CNOT2: variants seen among roughly 807,000 people sequenced by gnomAD.
CNOT2 encodes CCR4-NOT transcription complex subunit 2.
CNOT2 carries 7 observed loss-of-function variants against 72.1 expected under a neutral mutation model. The ratio of observed to expected loss-of-function variants is 0.10; its 90% CI spans 0.06 to 0.18. CNOT2 has a LOEUF of 0.18. Ranked by LOEUF, CNOT2 falls within the 10% of genes least tolerant of loss-of-function variation. The pLI is 1.00. For synonymous variants in CNOT2, 196 were observed against 225.6 expected (o/e 0.87, Z 1.17); for missense variants, 345 against 660.3 (o/e 0.52, Z 5.23).
chr12:70,337,611 T>C, intron 9 of CNOT2, 98 bp downstream of exon 9: 1 of 1,164,982 alleles, frequency 8.6e-7, no homozygotes, highest in Non-Finnish European at 1.3e-6. Context: ...ACAAAACTGT[T>C]TTATCTTGAT....
chr12:70,348,799 A>G (rs970092991), intron 15 of CNOT2, among the ~76,000 whole-genome samples: 13 of 151,964 alleles, frequency 8.6e-5, no homozygotes, highest in African/African-American at 2.7e-4. Context: ...TCAGTCAGGT[A>G]AATGTCATTT....
chr12:70,265,273 T>TTCCTC (rs1958970837), intron 1 of CNOT2, among the ~76,000 whole-genome samples: 1 of 125,382 alleles, frequency 8.0e-6, no homozygotes, highest in African/African-American at 2.8e-5. Context: ...TTCGTTTTGT[T>TTCCTC]TCTTCTCTTC....
chr12:70,346,039 T>G (rs1363632094), intron 14 of CNOT2, 141 bp from the exon 15 acceptor site: 1 of 578,220 alleles, frequency 1.7e-6, no homozygotes. Flanking sequence ...TAATAACTTA[T>G]AATAAATGAG....
At chr12:70,304,272 G>C (rs1342881189) in intron 2 of CNOT2, among the ~76,000 whole-genome samples, 1 of 152,098 alleles carries the variant, frequency 6.6e-6, no homozygotes, top group African/African-American at 2.4e-5. Flanking sequence ...GAGGAGGAGA[G>C]GCGCTCTGCT....
intron 13 of CNOT2, among the ~76,000 whole-genome samples, chr12:70,343,540 G>A (rs988812633): frequency 6.6e-6 from 1 of 152,168 alleles, no homozygotes; most frequent in Admixed American, 6.5e-5. Flanking sequence ...GTGATTTGCT[G>A]AAAGCATACA....
intron 1 of CNOT2, among the ~76,000 whole-genome samples, chr12:70,256,950 C>T (rs1243893696): frequency 2.6e-5 from 4 of 152,130 alleles, no homozygotes; most frequent in African/African-American, 9.7e-5. Context: ...TAAGCATTTT[C>T]CAGTGTCATA....
At chr12:70,315,991 T>C (rs1012132801) in intron 3 of CNOT2, among the ~76,000 whole-genome samples, 10 of 152,138 alleles carry the variant, frequency 6.6e-5, no homozygotes, top group African/African-American at 2.4e-4. Flanking sequence ...AGGGGAAGAT[T>C]AGATTATTAG....
intron 1 of CNOT2, among the ~76,000 whole-genome samples, chr12:70,247,771 A>G (rs1667755478): frequency 6.6e-6 from 1 of 152,182 alleles, no homozygotes; most frequent in South Asian, 2.1e-4. Context: ...ATAATACTTA[A>G]TAGGTTCTCA....
At chr12:70,254,641 C>T (rs1488727317) in intron 1 of CNOT2, among the ~76,000 whole-genome samples, 2 of 152,162 alleles carry the variant, frequency 1.3e-5, no homozygotes. Context: ...GGTGATGCTG[C>T]TGCATTTGGG....
At chr12:70,277,636 T>G (rs1869074790) in intron 1 of CNOT2, among the ~76,000 whole-genome samples, 1 of 152,208 alleles carries the variant, frequency 6.6e-6, no homozygotes. Flanking sequence ...TGTTGCATTC[T>G]CATTTTGTTG....
intron 1 of CNOT2, among the ~76,000 whole-genome samples, chr12:70,265,110 A>G (rs1025142434): frequency 6.6e-6 from 1 of 150,774 alleles, no homozygotes; most frequent in Admixed American, 6.6e-5. Context: ...TTTGTTTGTT[A>G]TTGTTTTCTT....
chr12:70,316,301 A>T (rs892011589), intron 3 of CNOT2, among the ~76,000 whole-genome samples: 3 of 152,200 alleles, frequency 2.0e-5, no homozygotes, highest in Non-Finnish European at 4.4e-5. Context: ...TAAAAAATAT[A>T]TACATTTTGT....
chr12:70,251,180 G>A (rs1958125142), intron 1 of CNOT2, among the ~76,000 whole-genome samples: 1 of 152,090 alleles, frequency 6.6e-6, no homozygotes, highest in Admixed American at 6.6e-5. Flanking sequence ...GTTACTTTGT[G>A]CTGTGCACTA....
chr12:70,337,849 A>G, intron 9 of CNOT2: 1 of 441,952 alleles, frequency 2.3e-6, no homozygotes, highest in South Asian at 1.7e-5. Flanking sequence ...GAATTTATAC[A>G]CATTTTTATA....
At chr12:70,265,273 T>TCTTCTCTTC (rs1229244460) in intron 1 of CNOT2, among the ~76,000 whole-genome samples, 154 of 125,468 alleles carry the variant, frequency 1.2e-3, no homozygotes, top group African/African-American at 3.8e-3. Flanking sequence ...TTCGTTTTGT[T>TCTTCTCTTC]TCTTCTCTTC....
rs565666743 is a variant in CNOT2, at chr12:70,309,300, G to A, written c.49-1595G>A. ...TCTTTGTATATTTCACACCTCAAGC[G>A]ATTACTTGCCTAAAAGCATATAGCA... On this transcript the variant is annotated intron_variant, in intron 2 of 15. Coordinates refer to ENST00000229195, the MANE Select transcript of CNOT2 (RefSeq NM_014515.7). 1.8e-3 allele frequency among the ~76,000 whole-genome samples: 277 copies of A among 152,238 alleles called. 2 individuals carry two copies. The highest frequency in any genetic ancestry group is 2.5e-3 in the African/African-American group (104 of 41,542).
Position 70,310,880 on chromosome 12 carries a change from A to G in CNOT2, c.49-15A>G. 1 of 1,609,478 alleles carries G rather than the reference A, an allele frequency of 6.2e-7. No homozygotes were observed. The highest frequency in any genetic ancestry group is 8.5e-7 in the Non-Finnish European group (1 of 1,177,130). ...CCAAAGTATTACCCCTGATAAAAGTAATATTTTTGTTTAGGTGACAAACAG... is the reference window on the plus strand; with the variant it reads ...CCAAAGTATTACCCCTGATAAAAGTGATATTTTTGTTTAGGTGACAAACAG... On this transcript the variant is annotated splice_polypyrimidine_tract_variant and intron_variant, in intron 2 of 15. Coordinates refer to ENST00000229195, the MANE Select transcript of CNOT2 (RefSeq NM_014515.7).
chr12:70,345,928 T>C (rs1243451748), intron 14 of CNOT2: 3 of 327,332 alleles, frequency 9.2e-6, no homozygotes, highest in African/African-American at 6.5e-5. Flanking sequence ...TCCTTGTTTG[T>C]ATAAAAAGTT....
intron 1 of CNOT2, chr12:70,244,082 T>G (rs1322175970): frequency 6.6e-6 from 1 of 152,410 alleles, no homozygotes; most frequent in African/African-American, 2.4e-5. Context: ...GACACTGGAC[T>G]GGCTAACGGG....
Sources: gnomAD v4.1 joint callset for allele counts (sites outside exome capture counted in the v4.1 genomes callset) on GRCh38, gnomAD v4.1.1 for gene constraint, MANE v1.5 for transcripts, NCBI Gene and HGNC (gene_info 2026-07-23, HGNC 2026-07-21) for gene names.